Variants in UGGT2 observed in about 807,000 individuals in gnomAD.
UGGT2 encodes the protein UDP-glucose:glycoprotein glucosyltransferase 2.
Under a neutral mutation model 192.1 loss-of-function variants are expected in UGGT2, and 180 were observed. The observed-to-expected ratio is 0.94, with a 90% confidence interval of 0.83 to 1.06. The LOEUF (loss-of-function observed/expected upper bound fraction) is 1.06. UGGT2 is among the 50% of genes least tolerant of loss of function. UGGT2 has a pLI of 0.00. For synonymous variants in UGGT2, 580 were observed against 591.0 expected (o/e 0.98, Z 0.27); for missense variants, 1,849 against 1,795.7 (o/e 1.03, Z -0.54).
chr13:95,807,414 A>AT (rs1177611942), intron 38 of UGGT2, among the ~76,000 whole-genome samples: 1 of 152,088 alleles, frequency 6.6e-6, no homozygotes, highest in Non-Finnish European at 1.5e-5. Flanking sequence ...TTTCTGTCTA[A>AT]TTTTTTTGTT....
Position 96,023,713 on chromosome 13 carries a change from CTG to C in UGGT2, c.286_287del (p.Gln96ValfsTer32). 1 of 1,610,400 alleles carries C rather than the reference CTG, an allele frequency of 6.2e-7. No homozygotes were observed. The highest frequency in any genetic ancestry group is 8.5e-7 in the Non-Finnish European group (1 of 1,177,380). ...YYNLILKKAG[Q>X]FLDNLHINLL... Reference sequence around the variant, plus strand: ...GGTTGATGTGTAAATTGTCTAGAAACTGTCCAGCTTTCTTCAGGATTAAGTTG... The same window carrying C: ...GGTTGATGTGTAAATTGTCTAGAAACTCCAGCTTTCTTCAGGATTAAGTTG... On this transcript the variant is annotated frameshift_variant, in exon 3 of 39. Transcript: ENST00000376747. LOFTEE classifies it high-confidence loss of function.
At chr13:95,920,480 A>C (rs1015989501) in intron 20 of UGGT2, among the ~76,000 whole-genome samples, 2 of 152,206 alleles carry the variant, frequency 1.3e-5, no homozygotes, top group Non-Finnish European at 2.9e-5. Context: ...TCCAGAGTCT[A>C]CAAGGAACTT....
At chr13:96,001,041 C>A (rs1341437690) in intron 5 of UGGT2, among the ~76,000 whole-genome samples, 2 of 152,062 alleles carry the variant, frequency 1.3e-5, no homozygotes, top group Non-Finnish European at 2.9e-5. Flanking sequence ...TTACTAAATG[C>A]CCAGATAGTT....
chr13:96,049,885 G>A (rs1197395268), intron 1 of UGGT2, among the ~76,000 whole-genome samples: 3 of 152,128 alleles, frequency 2.0e-5, no homozygotes, highest in Non-Finnish European at 2.9e-5. Context: ...AATCAGTATC[G>A]TGAAAACGGC....
chr13:95,981,573 C>G (rs1186949739), intron 10 of UGGT2, among the ~76,000 whole-genome samples: 2 of 152,112 alleles, frequency 1.3e-5, no homozygotes, highest in South Asian at 2.1e-4. Flanking sequence ...GTAATTTACA[C>G]CAGAGCAATT....
chr13:95,859,486 TCAAAAAGC>T, intron 33 of UGGT2, 97 bp downstream of exon 33: 2 of 955,518 alleles, frequency 2.1e-6, no homozygotes, highest in Admixed American at 3.1e-5. Context: ...TACCATTTTT[TCAAAAAGC>T]TTATTCTGAA....
At chr13:95,813,927 G>A (rs1262201151) in intron 38 of UGGT2, among the ~76,000 whole-genome samples, 1 of 152,188 alleles carries the variant, frequency 6.6e-6, no homozygotes, top group Non-Finnish European at 1.5e-5. Flanking sequence ...TACTTCAGAG[G>A]GTGCAAGCCA....
intron 15 of UGGT2, among the ~76,000 whole-genome samples, chr13:95,942,776 T>G (rs1417140622): frequency 6.6e-6 from 1 of 152,180 alleles, no homozygotes; most frequent in Admixed American, 6.5e-5. Flanking sequence ...CATATTTTAA[T>G]GGGCACTGGT....
At chr13:95,859,168 C>A (rs1489649335) in intron 33 of UGGT2, among the ~76,000 whole-genome samples, 1 of 152,018 alleles carries the variant, frequency 6.6e-6, no homozygotes, top group African/African-American at 2.4e-5. Context: ...ACTACACAGA[C>A]GAAAGAGCTT....
At chr13:95,868,562 C>T (rs767697952) in intron 29 of UGGT2, among the ~76,000 whole-genome samples, 2 of 152,248 alleles carry the variant, frequency 1.3e-5, no homozygotes, top group Middle Eastern at 3.4e-3. Context: ...CGTGATTGTG[C>T]TATTGCACTT....
chr13:95,895,288 T>C lies in UGGT2; in HGVS notation c.2651A>G (p.Asp884Gly). ...VSNGRFLGPL[D>G]EDFYAEDFYL... ...AAAATCTTCTGCATAAAAATCTTCA[T>C]CTAAAGGTCCTAAGAACTTAAAATA... Residue 884 changes from aspartate to glycine, a missense_variant, in exon 23 of 39, where the codon GAT becomes GGT. Asp to Gly is a moderately conservative substitution (Grantham distance 94). Transcript: ENST00000376747. The C allele has an allele frequency of 1.3e-6, 2 of 1,484,376 alleles. No homozygotes were observed. The highest frequency in any genetic ancestry group is 2.4e-5 in the South Asian group (2 of 82,138). The allele number at this position is 1,484,376 out of a possible 1,614,324, so 92.0% of individuals were successfully genotyped here. A position where few individuals can be genotyped will look rare whatever the true frequency, so the allele number is the denominator to read the frequency against.
intron 12 of UGGT2, among the ~76,000 whole-genome samples, chr13:95,960,304 A>G (rs1042467781): frequency 6.6e-6 from 1 of 152,220 alleles, no homozygotes; most frequent in African/African-American, 2.4e-5. Context: ...AAGCTCAGTG[A>G]GCTATAAGAG....
intron 21 of UGGT2, 124 bp from the exon 22 acceptor site, chr13:95,901,062 T>C (rs1465438914): frequency 2.7e-6 from 2 of 737,148 alleles, no homozygotes; most frequent in African/African-American, 3.7e-5. Flanking sequence ...TTATTTGGTA[T>C]AATTTTCTTT....
chr13:96,029,707 C>T (rs977401740), intron 2 of UGGT2, among the ~76,000 whole-genome samples: 2 of 152,190 alleles, frequency 1.3e-5, no homozygotes, highest in Non-Finnish European at 2.9e-5. Context: ...TGTGAATGAT[C>T]TGCCACCAGA....
chr13:95,929,093 C>G (rs1157188474), intron 17 of UGGT2, among the ~76,000 whole-genome samples: 2 of 152,084 alleles, frequency 1.3e-5, no homozygotes, highest in Non-Finnish European at 2.9e-5. Flanking sequence ...ACTAGGCAGG[C>G]TGAGGCAGGA....
chr13:95,947,083 A>G lies in UGGT2; in HGVS notation c.1631T>C (p.Ile544Thr), dbSNP rs1388512041. The G allele has an allele frequency of 1.2e-6, 2 of 1,611,512 alleles. No homozygotes were observed. The highest frequency in any genetic ancestry group is 1.7e-6 in the Non-Finnish European group (2 of 1,179,286). Residue 544 changes from isoleucine to threonine, a missense_variant, in exon 15 of 39, where the codon ATT becomes ACT. Transcript: ENST00000376747. ...TTCTGATATATCAAATTCTTCTGCA[A>G]TATAGTTGAAAGCTCGCCAGAGAGC... ...GVALWRAFNY[I>T]AEEFDISEAF...
chr13:95,926,149 A>C (rs1427373635), intron 19 of UGGT2, among the ~76,000 whole-genome samples: 1 of 152,148 alleles, frequency 6.6e-6, no homozygotes, highest in Non-Finnish European at 1.5e-5. Context: ...TAAAACCGTA[A>C]CAATCAAGCT....
chr13:95,898,021 T>C (rs2047996110), intron 22 of UGGT2, among the ~76,000 whole-genome samples: 1 of 152,122 alleles, frequency 6.6e-6, no homozygotes, highest in Admixed American at 6.6e-5. Flanking sequence ...AGTAACTTAG[T>C]TCTCTCACAT....
At position 95,895,291 on chromosome 13, in the gene UGGT2, A is replaced by G; in HGVS notation, c.2648T>C (p.Leu883Ser). The change falls in exon 23 of 39, where the codon TTA becomes TCA. Residue 883 changes from leucine (L) to serine (S), a missense_variant. Physicochemically the swap from Leu to Ser is moderately radical, Grantham distance 145 (BLOSUM62 -2). Transcript: ENST00000376747. ...IVSNGRFLGP[L>S]DEDFYAEDFY... ...ATCTTCTGCATAAAAATCTTCATCT[A>G]AAGGTCCTAAGAACTTAAAATAAAA... 6.8e-7 allele frequency: 1 copy of G among 1,476,910 alleles called. No homozygotes were observed. Among genetic ancestry groups the G allele is most frequent in the Non-Finnish European group, 9.2e-7 (1 of 1,081,372 alleles). 91.5% of individuals were successfully genotyped at this position (1,476,910 alleles called of 1,614,324 possible).
Sources: gnomAD v4.1 joint callset for allele counts (sites outside exome capture counted in the v4.1 genomes callset) on GRCh38, gnomAD v4.1.1 for gene constraint, MANE v1.5 for transcripts, NCBI Gene and HGNC (gene_info 2026-07-23, HGNC 2026-07-21) for gene names.